TMEM80: variants seen among roughly 807,000 people sequenced by gnomAD.
TMEM80 encodes the protein transmembrane protein 80.
A neutral mutation model predicts 13.6 loss-of-function variants in TMEM80; 16 were observed. That is an observed-to-expected ratio of 1.17 (90% CI 0.79 to 1.78). The LOEUF is 1.78. TMEM80 is among the 40% of genes most tolerant of loss of function. The probability of loss-of-function intolerance (pLI) is 0.00; values close to 1 mark genes in which losing one functional copy is unlikely to be tolerated. For missense variants in TMEM80, 167 were observed against 184.6 expected (o/e 0.90, Z 0.55); for synonymous variants, 92 against 89.5 (o/e 1.03, Z -0.16).
chr11:696,517 G>A (rs1353797934), intron 1 of TMEM80, among the ~76,000 whole-genome samples: 1 of 152,210 alleles, frequency 6.6e-6, no homozygotes, highest in African/African-American at 2.4e-5. Context: ...AGTGGCTCAG[G>A]CCTGTAAGCC....
Position 702,958 on chromosome 11 carries a change from C to A in TMEM80, c.240C>A (p.Asn80Lys). The change falls in exon 5 of 5, where the codon AAC becomes AAA. Residue 80 changes from asparagine to lysine, a missense_variant. By Grantham distance (94) the Asn-to-Lys change is moderately conservative. Coordinates refer to ENST00000397510, the MANE Select transcript of TMEM80 (RefSeq NM_001042463.3). ...AVRLYLGTRG[N>K]LTEAERPLAA... ...TCTGTTCTCCAGGCACCAGGGGCAA[C>A]CTGACAGAGGCTGAGAGGCCGCTGG... 1 of 1,608,586 alleles carries A rather than the reference C, an allele frequency of 6.2e-7. No homozygotes were observed. The highest frequency in any genetic ancestry group is 8.5e-7 in the Non-Finnish European group (1 of 1,178,042).
In TMEM80 at chr11:700,719, G is replaced by A. The variant is rs1861414912; in HGVS notation, c.226+12G>A. 8 of 1,605,676 alleles carry A rather than the reference G, an allele frequency of 5.0e-6. No individual in the cohort carries two copies. Among genetic ancestry groups the A allele is most frequent in the Non-Finnish European group, 6.8e-6 (8 of 1,172,254 alleles). On this transcript the variant is annotated intron_variant, in intron 4 of 4. Coordinates refer to ENST00000397510, the MANE Select transcript of TMEM80 (RefSeq NM_001042463.3). ...TCGGTTATACCTGGGTGAGTGGACT[G>A]TTAACACCGTGAAGAACCTGTCCTA...
At chr11:699,620 C>T (rs532042863) in intron 2 of TMEM80, 15 of 155,416 alleles carry the variant, frequency 9.7e-5, no homozygotes, top group Non-Finnish European at 1.7e-4. Context: ...TGGTTTTGCA[C>T]GCCTGTAATC....
Position 703,275 on chromosome 11 carries a change from T to TGGATGGTTCC in TMEM80, c.*126_*135dup. On this transcript the variant is annotated 3_prime_UTR_variant, in exon 5 of 5. Transcript: ENST00000397510. The stretch of plus-strand genomic sequence containing the variant: ...CCTAGTGACTGGCCATAGATGGTTT[T>TGGATGGTTCC]GGATGGTTCCATCTGTTCTGGCAGG... The TGGATGGTTCC allele has an allele frequency of 6.9e-7, 1 of 1,445,424 alleles. No individual in the cohort carries two copies. The highest frequency in any genetic ancestry group is 9.1e-7 in the Non-Finnish European group (1 of 1,093,726). The allele number at this position is 1,445,424 out of a possible 1,614,324, so 89.5% of individuals were successfully genotyped here.
At chr11:704,561 C>A (rs777490962), downstream of TMEM80, 1 of 1,289,310 alleles carries the variant, frequency 7.8e-7, no homozygotes, top group South Asian at 1.2e-5. Context: ...GGCACACCTG[C>A]CATCTGGAGG....
intron 4 of TMEM80, 56 bp from the exon 5 acceptor site, chr11:702,889 G>T: frequency 1.3e-6 from 2 of 1,521,834 alleles, no homozygotes; most frequent in Non-Finnish European, 1.8e-6. Flanking sequence ...CCTGTGGGCG[G>T]TGGGCTCCAG....
At position 704,094 on chromosome 11, in the gene TMEM80, A is replaced by G. The variant is rs1211240102; in HGVS notation, c.*944A>G. On this transcript the variant is annotated 3_prime_UTR_variant, in exon 5 of 5. Transcript: ENST00000397510. ...TATCTAGATATTTTCTCTTCACCGC[A>G]TTTTGTAAATAAAGAGATGTGTATG... The G allele has an allele frequency of 2.7e-6, 3 of 1,101,826 alleles. No individual in the cohort carries two copies. Among genetic ancestry groups the G allele is most frequent in the East Asian group, 6.7e-5 (1 of 14,944 alleles). The allele number at this position is 1,101,826 out of a possible 1,614,324, so 68.3% of individuals were successfully genotyped here. A position where few individuals can be genotyped will look rare whatever the true frequency, so the allele number is the denominator to read the frequency against.
At position 703,286 on chromosome 11, in the gene TMEM80, A is replaced by G. The variant is rs905474056; in HGVS notation, c.*136A>G. On this transcript the variant is annotated 3_prime_UTR_variant, in exon 5 of 5. Transcript: ENST00000397510. ...GCCATAGATGGTTTTGGATGGTTCC[A>G]TCTGTTCTGGCAGGAGTGGGAGCAG... 3.5e-6 allele frequency: 5 copies of G among 1,438,262 alleles called. No homozygotes were observed. Among genetic ancestry groups the G allele is most frequent in the African/African-American group, 1.4e-5 (1 of 69,770 alleles). The allele number at this position is 1,438,262 out of a possible 1,614,324, so 89.1% of individuals were successfully genotyped here.
chr11:695,741 G>A (rs2133443162), upstream of TMEM80: 2 of 1,240,434 alleles, frequency 1.6e-6, no homozygotes, highest in South Asian at 3.7e-5. Flanking sequence ...CCCTTCGTCA[G>A]GAGACGCGAA....
Position 703,964 on chromosome 11 carries a change from G to T in TMEM80, c.*814G>T. 2 of 1,235,118 alleles carry T rather than the reference G, an allele frequency of 1.6e-6. No individual in the cohort carries two copies. The highest frequency in any genetic ancestry group is 1.0e-6 in the Non-Finnish European group (1 of 989,964). 76.5% of individuals were successfully genotyped at this position (1,235,118 alleles called of 1,614,324 possible). On this transcript the variant is annotated 3_prime_UTR_variant, in exon 5 of 5. Coordinates refer to ENST00000397510, the MANE Select transcript of TMEM80 (RefSeq NM_001042463.3). The stretch of plus-strand genomic sequence containing the variant: ...GCTCTGTGTTTTTTTCCCATTCCCA[G>T]ATTTACTATCAGTTCTCCTTAAAAA...
chr11:702,011 G>A (rs923433274), intron 4 of TMEM80, among the ~76,000 whole-genome samples: 2 of 152,196 alleles, frequency 1.3e-5, no homozygotes, highest in African/African-American at 2.4e-5. Flanking sequence ...CGTGGGGAAC[G>A]CAATGGGCAC....
chr11:704,813 C>T (rs201170374), downstream of TMEM80: 13 of 432,148 alleles, frequency 3.0e-5, no homozygotes, highest in East Asian at 6.5e-4. Context: ...GACAGGCACC[C>T]GTTTAGGAGT....
chr11:699,042 T>C (rs1174914284), intron 2 of TMEM80, 154 bp downstream of exon 2: 1 of 884,814 alleles, frequency 1.1e-6, no homozygotes, highest in Non-Finnish European at 1.8e-6. Context: ...AGAGAGTTGA[T>C]GTAACTTCCT....
At position 703,820 on chromosome 11, in the gene TMEM80, G is replaced by T. The variant is rs1861607655; in HGVS notation, c.*670G>T. The T allele has an allele frequency of 8.1e-7, 1 of 1,234,446 alleles. No individual in the cohort carries two copies. The highest frequency in any genetic ancestry group is 1.5e-5 in the African/African-American group (1 of 64,578). 76.5% of individuals were successfully genotyped at this position (1,234,446 alleles called of 1,614,324 possible). ...TTCAGGGGCTTCGGAGGAGAGGTCA[G>T]GGCTAAGGCCGGGGATGAGACTGCA... On this transcript the variant is annotated 3_prime_UTR_variant, in exon 5 of 5. Coordinates refer to ENST00000397510, the MANE Select transcript of TMEM80 (RefSeq NM_001042463.3).
Position 703,059 on chromosome 11 carries a change from G to A in TMEM80, c.341G>A (p.Trp114Ter), listed in dbSNP as rs1861570421. Residue 114 changes from tryptophan to a stop codon, truncating the protein, a stop_gained, in exon 5 of 5, where the codon TGG (tryptophan) becomes TAG (stop). Coordinates refer to ENST00000397510, the MANE Select transcript of TMEM80 (RefSeq NM_001042463.3). LOFTEE classifies it low-confidence loss of function (END_TRUNC). Reference sequence around the variant, plus strand: ...CTGCTTTGGCAGGCCCTAGTGTTGTGGGCGGACTGGGCCCTCAGCGCCACG... The same window carrying A: ...CTGCTTTGGCAGGCCCTAGTGTTGTAGGCGGACTGGGCCCTCAGCGCCACG... ...HFLLWQALVL[W>*]ADWALSATLL... is the part of the protein sequence containing the mutation. 6.2e-7 allele frequency: 1 copy of A among 1,612,778 alleles called. No homozygotes were observed.
intron 1 of TMEM80, among the ~76,000 whole-genome samples, chr11:696,712 G>A (rs1861186916): frequency 6.6e-6 from 1 of 152,270 alleles, no homozygotes; most frequent in Non-Finnish European, 1.5e-5. Context: ...GTTGCAGTGA[G>A]CCGTGATGGC....
Position 702,933 on chromosome 11 carries a change from T to C in TMEM80, c.227-12T>C. ...TCGCACCACCTTCCCTCCCCTTTGC[T>C]CTGTTCTCCAGGCACCAGGGGCAAC... On this transcript the variant is annotated splice_polypyrimidine_tract_variant and intron_variant, in intron 4 of 4. Transcript: ENST00000397510. 18 of 1,598,472 alleles carry C rather than the reference T, an allele frequency of 1.1e-5. No homozygotes were observed. The highest frequency in any genetic ancestry group is 1.5e-5 in the Non-Finnish European group (18 of 1,170,974).
chr11:700,856 C>A, intron 4 of TMEM80, 149 bp downstream of exon 4: 1 of 752,840 alleles, frequency 1.3e-6, no homozygotes, highest in Non-Finnish European at 2.4e-6. Flanking sequence ...GCTCACCTTA[C>A]AGTGTCATTA....
In TMEM80 at chr11:700,620, G is replaced by T. The variant is rs1398068634; in HGVS notation, c.139G>T (p.Val47Leu). The T allele has an allele frequency of 1.2e-6, 2 of 1,613,984 alleles. No individual in the cohort carries two copies. Among genetic ancestry groups the T allele is most frequent in the Admixed American group, 3.3e-5 (2 of 60,008 alleles). ...TLLMITYKSQ[V>L]FSYPHRYLVL... ...TCCGCGCCTCTGCTCTTCAGGTCAGGTGTTCAGCTATCCTCACCGCTACCT... is the reference window on the plus strand; with the variant it reads ...TCCGCGCCTCTGCTCTTCAGGTCAGTTGTTCAGCTATCCTCACCGCTACCT... The change falls in exon 4 of 5, where the codon GTG (valine) becomes TTG (leucine). Residue 47 changes from valine (V) to leucine (L), a missense_variant. Coordinates refer to ENST00000397510, the MANE Select transcript of TMEM80 (RefSeq NM_001042463.3).
Sources: allele counts gnomAD v4.1 joint callset (sites outside exome capture counted in the v4.1 genomes callset), GRCh38; gene constraint gnomAD v4.1.1; transcripts MANE v1.5; gene names NCBI Gene and HGNC (gene_info 2026-07-23, HGNC 2026-07-21).